Variants in TEX11 observed in about 807,000 individuals in gnomAD.
The protein encoded by TEX11 is testis expressed 11.
In TEX11, 7 loss-of-function variants were observed where a neutral mutation model predicts 84.4. The ratio of observed to expected loss-of-function variants is 0.08; its 90% CI spans 0.05 to 0.16. The LOEUF (loss-of-function observed/expected upper bound fraction) is 0.16. TEX11 is among the 10% of genes least tolerant of loss of function. The probability of loss-of-function intolerance (pLI) is 1.00; values close to 1 mark genes in which losing one functional copy is unlikely to be tolerated. For synonymous variants in TEX11, 264 were observed against 222.8 expected (o/e 1.18, Z -1.64); for missense variants, 551 against 660.5 (o/e 0.83, Z 1.82).
chrX:70,703,890 G>C (rs745889345), intron 13 of TEX11, among the ~76,000 whole-genome samples: 1 of 111,551 alleles, frequency 9.0e-6, no homozygotes, highest in South Asian at 3.8e-4. Flanking sequence ...AACTTCCCTG[G>C]TATGGTTTGG....
intron 4 of TEX11, among the ~76,000 whole-genome samples, chrX:70,868,152 T>A (rs1360996320): frequency 9.0e-6 from 1 of 111,404 alleles, no homozygotes; most frequent in African/African-American, 3.3e-5. Context: ...ATATCCAGAA[T>A]CTACAAGGAA....
At chrX:70,896,991 A>G (rs1163686573) in intron 2 of TEX11, among the ~76,000 whole-genome samples, 1 of 105,535 alleles carries the variant, frequency 9.5e-6, no homozygotes, top group Non-Finnish European at 1.9e-5. Context: ...AAATAGCCAG[A>G]TGTGGTGGCG....
At chrX:70,515,561 A>C in the TEX11 span, among the ~76,000 whole-genome samples, 1 of 112,234 alleles carries the variant, frequency 8.9e-6, no homozygotes, top group South Asian at 3.7e-4. Flanking sequence ...TCCTATTGTG[A>C]ATAGTGCTGC....
intron 25 of TEX11, among the ~76,000 whole-genome samples, chrX:70,556,094 T>C (rs73216771): frequency 0.13 from 14,083 of 111,554 alleles, 719 homozygotes; most frequent in Middle Eastern, 0.21. Context: ...ATTGACTTTA[T>C]CTACTGTTTT....
intron 14 of TEX11, among the ~76,000 whole-genome samples, chrX:70,680,574 TCAA>T (rs1304423719): frequency 3.4e-4 from 9 of 26,796 alleles, no homozygotes; most frequent in Non-Finnish European, 1.0e-3. Flanking sequence ...CCAAGAATGA[TCAA>T]TTAAAAAAAA....
intron 9 of TEX11, among the ~76,000 whole-genome samples, chrX:70,794,283 G>A (rs957513240): frequency 8.9e-5 from 10 of 111,881 alleles, no homozygotes; most frequent in Admixed American, 1.9e-4. Flanking sequence ...ATCAGTTGAC[G>A]TCAATGGAGA....
chrX:70,682,133 C>G (rs990312855), intron 14 of TEX11, among the ~76,000 whole-genome samples: 1 of 111,412 alleles, frequency 9.0e-6, no homozygotes, highest in Admixed American at 9.5e-5. Context: ...TACAGAAGTT[C>G]TGCAGGGAGG....
At chrX:70,614,105 C>G (rs1426769146) in intron 20 of TEX11, among the ~76,000 whole-genome samples, 1 of 111,349 alleles carries the variant, frequency 9.0e-6, no homozygotes, top group Non-Finnish European at 1.9e-5. Context: ...GTGAGATCCA[C>G]CACATTCCCA....
chrX:70,829,713 TTG>T (rs755199889), intron 8 of TEX11, among the ~76,000 whole-genome samples: 27 of 107,004 alleles, frequency 2.5e-4, no homozygotes, highest in African/African-American at 3.0e-4. Context: ...TTTTATTAGT[TTG>T]TGTGTGTGTG....
chrX:70,692,935 C>G (rs1253223196), intron 13 of TEX11, among the ~76,000 whole-genome samples: 1 of 111,761 alleles, frequency 8.9e-6, no homozygotes, highest in Non-Finnish European at 1.9e-5. Flanking sequence ...TACATTCCCA[C>G]CAGCACTGTA....
chrX:70,803,339 C>T (rs933208919), intron 9 of TEX11, among the ~76,000 whole-genome samples: 4 of 111,404 alleles, frequency 3.6e-5, no homozygotes, highest in Non-Finnish European at 7.5e-5. Flanking sequence ...TTTCTCTTAA[C>T]CTGTGGTATC....
intron 9 of TEX11, among the ~76,000 whole-genome samples, chrX:70,797,214 G>A (rs1210052290): frequency 8.9e-6 from 1 of 112,012 alleles, no homozygotes; most frequent in Non-Finnish European, 1.9e-5. Context: ...AACCAACCTT[G>A]CTGCCCATCA....
chrX:70,555,050 T>C (rs1338592418), intron 25 of TEX11, among the ~76,000 whole-genome samples: 1 of 112,010 alleles, frequency 8.9e-6, no homozygotes, highest in African/African-American at 3.2e-5. Context: ...GAACTACCTA[T>C]ATTTTCTCAA....
At chrX:70,813,217 A>T (rs768496465) in intron 8 of TEX11, among the ~76,000 whole-genome samples, 182 of 111,985 alleles carry the variant, frequency 1.6e-3, no homozygotes, top group Middle Eastern at 4.6e-3. Context: ...CTGGCAAACC[A>T]AATCCAGCAG....
intron 28 of TEX11, among the ~76,000 whole-genome samples, chrX:70,534,590 C>T (rs2087932460): frequency 9.0e-6 from 1 of 111,654 alleles, no homozygotes; most frequent in Non-Finnish European, 1.9e-5. Flanking sequence ...GAGGTGTTTG[C>T]TCTGATGGTT....
At chrX:70,852,541 A>G (rs1484307036) in intron 7 of TEX11, among the ~76,000 whole-genome samples, 1 of 112,265 alleles carries the variant, frequency 8.9e-6, no homozygotes, top group Non-Finnish European at 1.9e-5. Context: ...AACTCATCAT[A>G]GCTCAAATGC....
intron 11 of TEX11, among the ~76,000 whole-genome samples, chrX:70,732,274 A>G (rs1464041734): frequency 4.5e-5 from 5 of 111,688 alleles, no homozygotes; most frequent in Admixed American, 3.8e-4. Flanking sequence ...CACCACTCCT[A>G]TTCAACATAG....
In TEX11 at chrX:70,682,708, A is replaced by G; in HGVS notation, c.1122T>C (p.Leu374=). 8.3e-7 allele frequency: 1 copy of G among 1,210,064 alleles called. No homozygotes were observed. Among genetic ancestry groups the G allele is most frequent in the East Asian group, 3.0e-5 (1 of 33,776 alleles). ...TTTCTTCAATCTTCTCCTTGGCAAG[A>G]AGTTCTTCCTTCCTTTGTAAAAGCA... is the stretch of plus-strand genomic sequence containing the variant. The part of the protein sequence containing the change: ...TDMLLQRKEE[L]LAKEKIEEIF... The change falls in exon 14 of 30, where the codon CTT becomes CTC. Residue 374 remains leucine, a synonymous_variant. Transcript: ENST00000374333.
chrX:70,635,240 G>C (rs2089557479), intron 17 of TEX11, among the ~76,000 whole-genome samples: 1 of 112,106 alleles, frequency 8.9e-6, no homozygotes, highest in Admixed American at 9.5e-5. Flanking sequence ...AGGCCATAGA[G>C]CATGAAGACA....
Sources: allele counts gnomAD v4.1 joint callset (sites outside exome capture counted in the v4.1 genomes callset), GRCh38; gene constraint gnomAD v4.1.1; transcripts MANE v1.5; gene names NCBI Gene and HGNC (gene_info 2026-07-23, HGNC 2026-07-21).